TM4SF20: variants seen among roughly 807,000 people sequenced by gnomAD.
TM4SF20 encodes transmembrane 4 L six family member 20, also known as transmembrane 4 L6 family member 20.
TM4SF20 carries 13 observed loss-of-function variants against 15.1 expected under a neutral mutation model. The observed-to-expected ratio is 0.86, with a 90% CI of 0.56 to 1.36. TM4SF20 has a LOEUF of 1.36. Among genes scored for constraint, TM4SF20 ranks in the 40% most tolerant of loss-of-function variants. The pLI, the probability that TM4SF20 is intolerant of heterozygous loss-of-function variation, is 0.00. For missense variants in TM4SF20, 282 were observed against 268.4 expected, an observed-to-expected ratio of 1.05 and a Z score of -0.35; for synonymous variants, 92 against 96.6, an observed-to-expected ratio of 0.95 and a Z score of 0.28.
Position 227,366,171 on chromosome 2 carries a change from G to C in TM4SF20, c.323C>G (p.Ala108Gly). ...ACACATGAGAGGACCTTTTAAGAGAGCCTGGATGGATATCAGCATGCAATA... is the reference window on the plus strand; with the variant it reads ...ACACATGAGAGGACCTTTTAAGAGACCCTGGATGGATATCAGCATGCAATA... Reference protein sequence around the residue: ...ALYCMLISIQALLKGPLMCNS... With the variant: ...ALYCMLISIQGLLKGPLMCNS... The change falls in exon 3 of 4, where the codon GCT becomes GGT. Residue 108 changes from alanine (A) to glycine (G), a missense_variant. By Grantham distance (60) the Ala-to-Gly change is moderately conservative (BLOSUM62 0). Coordinates refer to ENST00000304568, the MANE Select transcript of TM4SF20 (RefSeq NM_024795.4). 1 of 1,614,020 alleles carries C rather than the reference G, an allele frequency of 6.2e-7. No homozygotes were observed. Among genetic ancestry groups the C allele is most frequent in the Non-Finnish European group, 8.5e-7 (1 of 1,179,902 alleles).
At chr2:227,377,661 A>T (rs552472032) in intron 1 of TM4SF20, among the ~76,000 whole-genome samples, 44 of 152,332 alleles carry the variant, frequency 2.9e-4, no homozygotes, top group African/African-American at 1.1e-3. Context: ...GAATGAGATC[A>T]TGACCTTTGC....
chr2:227,370,846 T>C (rs1182394821), intron 2 of TM4SF20, 69 bp downstream of exon 2: 1 of 1,297,090 alleles, frequency 7.7e-7, no homozygotes, highest in Non-Finnish European at 1.1e-6. Flanking sequence ...AGTGACTCAG[T>C]GTGGCTTTGC....
intron 1 of TM4SF20, among the ~76,000 whole-genome samples, chr2:227,372,639 C>CA (rs1448350330): frequency 7.3e-5 from 11 of 149,804 alleles, no homozygotes; most frequent in Admixed American, 2.7e-4. Flanking sequence ...GACTCTATCT[C>CA]AAAAAAACAA....
chr2:227,379,630 C>T (rs75936581), upstream of TM4SF20, among the ~76,000 whole-genome samples: 1,060 of 152,254 alleles, frequency 7.0e-3, 15 homozygotes, highest in African/African-American at 0.025. Flanking sequence ...GATATTATTA[C>T]CAGCTATGGA....
In TM4SF20 at chr2:227,363,821, A is replaced by T. The variant is rs377201624; in HGVS notation, c.593T>A (p.Val198Asp). 1.9e-6 allele frequency: 3 copies of T among 1,614,066 alleles called. No homozygotes were observed. In the African/African-American group the frequency reaches 4.0e-5, roughly 22 times the overall value. Residue 198 changes from valine to aspartate, a missense_variant, in exon 4 of 4, where the codon GTT (valine) becomes GAT (aspartate). Physicochemically the swap from Val to Asp is radical, Grantham distance 152. Coordinates refer to ENST00000304568, the MANE Select transcript of TM4SF20 (RefSeq NM_024795.4). Reference sequence around the variant, plus strand: ...CCCAAACAGGACCTCCAGAATTCCAACAAGCAATAGACCTAAAAATACTGA... The same window carrying T: ...CCCAAACAGGACCTCCAGAATTCCATCAAGCAATAGACCTAAAAATACTGA... ...HFSVFLGLLLVGILEVLFGLS... is the reference protein window; with the variant it reads ...HFSVFLGLLLDGILEVLFGLS...
chr2:227,378,313 G>A (rs765231657), intron 1 of TM4SF20, among the ~76,000 whole-genome samples: 20 of 152,150 alleles, frequency 1.3e-4, no homozygotes, highest in South Asian at 6.2e-4. Context: ...TTTGAAAGCC[G>A]TTTTCCCTAT....
At chr2:227,368,337 A>ATATATATATATC (rs2076403675) in intron 2 of TM4SF20, among the ~76,000 whole-genome samples, 1 of 123,016 alleles carries the variant, frequency 8.1e-6, no homozygotes, top group Non-Finnish European at 1.6e-5. Flanking sequence ...TCTATTATTT[A>ATATATATATATC]TATATATATA....
intron 2 of TM4SF20, among the ~76,000 whole-genome samples, chr2:227,370,094 C>T (rs569514526): frequency 1.4e-4 from 21 of 152,196 alleles, no homozygotes; most frequent in East Asian, 3.9e-4. Flanking sequence ...CTTTTAACTT[C>T]GTTACGACTT....
At chr2:227,380,227 G>A (rs1426523593), upstream of TM4SF20, among the ~76,000 whole-genome samples, 1 of 152,236 alleles carries the variant, frequency 6.6e-6, no homozygotes, top group African/African-American at 2.4e-5. Flanking sequence ...CTACTTGGGA[G>A]GCTGAGGCCA....
At chr2:227,366,372 T>C in intron 2 of TM4SF20, 128 bp from the exon 3 acceptor site, 1 of 735,464 alleles carries the variant, frequency 1.4e-6, no homozygotes, top group South Asian at 2.0e-5. Flanking sequence ...GATCACAGTT[T>C]ATTAGGTGTG....
upstream of TM4SF20, chr2:227,381,506 T>G (rs1446928582): frequency 6.6e-6 from 1 of 152,042 alleles, no homozygotes; most frequent in African/African-American, 2.4e-5. Context: ...ATATAAATTA[T>G]CTCATTCTAT....
chr2:227,364,920 T>G (rs2076384376), intron 3 of TM4SF20, among the ~76,000 whole-genome samples: 1 of 152,192 alleles, frequency 6.6e-6, no homozygotes, highest in African/African-American at 2.4e-5. Flanking sequence ...TTTCCTTGGC[T>G]TTGTTTTTGA....
chr2:227,374,434 GGTGT>G (rs57830966), intron 1 of TM4SF20, among the ~76,000 whole-genome samples: 15 of 150,884 alleles, frequency 9.9e-5, no homozygotes, highest in African/African-American at 1.5e-4. Flanking sequence ...AACTGTGAAT[GGTGT>G]GTGTGTGTGT....
In TM4SF20 at chr2:227,364,080, A is replaced by C; in HGVS notation, c.402-68T>G. 3 of 1,439,172 alleles carry C rather than the reference A, an allele frequency of 2.1e-6. No individual in the cohort carries two copies. The South Asian group carries it at 4.1e-5, about 20-fold the overall frequency. 89.2% of individuals were successfully genotyped at this position (1,439,172 alleles called of 1,614,324 possible). ...TGACCAAAGGAAAGTAGCATTGTGC[A>C]CATAAAAGAATGAGTGAAACGAATG... On this transcript the variant is annotated intron_variant, in intron 3 of 3. Coordinates refer to ENST00000304568, the MANE Select transcript of TM4SF20 (RefSeq NM_024795.4).
At position 227,363,789 on chromosome 2, in the gene TM4SF20, G is replaced by C. The variant is rs756795617; in HGVS notation, c.625C>G (p.Gln209Glu). 1 of 1,614,124 alleles carries C rather than the reference G, an allele frequency of 6.2e-7. No individual in the cohort carries two copies. The highest frequency in any genetic ancestry group is 8.5e-7 in the Non-Finnish European group (1 of 1,180,012). The change falls in exon 4 of 4, where the codon CAG (glutamine) becomes GAG (glutamate). Residue 209 changes from glutamine to glutamate, a missense_variant. Transcript: ENST00000304568. ...GILEVLFGLS[Q>E]IVIGFLGCLC... ...CAGCCAAGGAAACCGATGACTATCT[G>C]ACTGAGCCCAAACAGGACCTCCAGA...
intron 2 of TM4SF20, among the ~76,000 whole-genome samples, chr2:227,366,481 A>C (rs555237495): frequency 4.1e-4 from 62 of 152,222 alleles, no homozygotes; most frequent in Non-Finnish European, 7.8e-4. Context: ...TAATCTCAGC[A>C]CTGTGGGAGG....
rs780396841 is a variant in TM4SF20, at chr2:227,363,579, C to A, written c.*145G>T. 2.5e-6 allele frequency: 2 copies of A among 792,686 alleles called. No homozygotes were observed. The highest frequency in any genetic ancestry group is 3.9e-6 in the Non-Finnish European group (2 of 511,662). 49.1% of individuals were successfully genotyped at this position (792,686 alleles called of 1,614,324 possible). A position where few individuals can be genotyped will look rare whatever the true frequency, so the allele number is the denominator to read the frequency against. ...TTCTCTCCACCTTTCCCAAATCAAC[C>A]ACTGATATGAGAGTGTTATGCATTT... On this transcript the variant is annotated 3_prime_UTR_variant, in exon 4 of 4. Transcript: ENST00000304568.
chr2:227,366,736 AAAAAAAAAAAAAAAAAAAAAG>A (rs2076395482), intron 2 of TM4SF20, among the ~76,000 whole-genome samples: 1 of 100,914 alleles, frequency 9.9e-6, no homozygotes, highest in African/African-American at 4.6e-5. Context: ...AAAAAAAAAA[AAAAAAAAAAAAAAAAAAAAAG>A]ATGGTTTGGC....
rs557712556 is a variant in TM4SF20 at position 227,373,443 on chromosome 2, G to T, written c.184-2463C>A. ...CTCCCAAATAGGTATCAGTATTCGTGCACTAAACATCTTTTATTGTACACA... is the reference window on the plus strand; with the variant it reads ...CTCCCAAATAGGTATCAGTATTCGTTCACTAAACATCTTTTATTGTACACA... On this transcript the variant is annotated intron_variant, in intron 1 of 3. Coordinates refer to ENST00000304568, the MANE Select transcript of TM4SF20 (RefSeq NM_024795.4). 3.9e-5 allele frequency among the ~76,000 whole-genome samples: 6 copies of T among 152,304 alleles called. No homozygotes were observed. In the South Asian group the frequency reaches 1.0e-3, roughly 26 times the overall value.
Sources: gnomAD v4.1 joint callset for allele counts (sites outside exome capture counted in the v4.1 genomes callset) on GRCh38, gnomAD v4.1.1 for gene constraint, MANE v1.5 for transcripts, NCBI Gene and HGNC (gene_info 2026-07-23, HGNC 2026-07-21) for gene names.